LRGUK: variants seen among roughly 807,000 people sequenced by gnomAD.
LRGUK encodes the protein leucine-rich repeat and guanylate kinase domain-containing protein.
LRGUK carries 65 observed loss-of-function variants against 76.0 expected under a neutral mutation model. The ratio of observed to expected loss-of-function variants is 0.85; its 90% confidence interval spans 0.70 to 1.05. The LOEUF is 1.05. Among genes scored for constraint, LRGUK ranks in the 50% least tolerant of loss-of-function variants. The pLI is 0.00. For missense variants in LRGUK, 758 were observed against 732.8 expected (o/e 1.03, Z -0.40); for synonymous variants, 268 against 265.6 (o/e 1.01, Z -0.09).
At chr7:134,268,655 CA>C (rs1006011102), downstream of LRGUK, among the ~76,000 whole-genome samples, 8 of 140,370 alleles carry the variant, frequency 5.7e-5, no homozygotes, top group African/African-American at 1.8e-4. Context: ...ACCCTGATAT[CA>C]AAATCAGACA....
At chr7:134,239,800 A>T (rs1383185338) in intron 16 of LRGUK, among the ~76,000 whole-genome samples, 1 of 152,196 alleles carries the variant, frequency 6.6e-6, no homozygotes, top group Admixed American at 6.5e-5. Context: ...GGCACCTCCC[A>T]GTAGGGGCCA....
At chr7:134,176,544 T>C (rs1436115957) in intron 8 of LRGUK, among the ~76,000 whole-genome samples, 1 of 152,074 alleles carries the variant, frequency 6.6e-6, no homozygotes, top group African/African-American at 2.4e-5. Flanking sequence ...CATGCCTGGC[T>C]AATTTTTTTG....
chr7:134,208,542 C>T (rs531836802), intron 15 of LRGUK, among the ~76,000 whole-genome samples: 4 of 152,268 alleles, frequency 2.6e-5, no homozygotes, highest in Middle Eastern at 3.4e-3. Flanking sequence ...ATTATAGACA[C>T]TTAGTATCTC....
At chr7:134,141,282 C>A (rs1189206404) in intron 3 of LRGUK, among the ~76,000 whole-genome samples, 1 of 152,172 alleles carries the variant, frequency 6.6e-6, no homozygotes, top group Non-Finnish European at 1.5e-5. Context: ...ATCCGAATCA[C>A]CTGGAAGCCC....
Position 134,209,328 on chromosome 7 carries a change from A to C in LRGUK, c.2465A>C (p.His822Pro), listed in dbSNP as rs544656548. 5 of 399,214 alleles carry C rather than the reference A, an allele frequency of 1.3e-5. No homozygotes were observed. The East Asian group carries it at 1.8e-4, about 14-fold the overall frequency. 24.7% of individuals were successfully genotyped at this position (399,214 alleles called of 1,614,324 possible). A position where few individuals can be genotyped will look rare whatever the true frequency, so the allele number is the denominator to read the frequency against. ...AAACTTCCACCCAGCAGTTCCCACC[A>C]TGATCCTCCAAAAGATTCTTCCCAC... Residue 822 changes from histidine to proline, a missense_variant, in exon 16 of 16, where the codon CAT (histidine) becomes CCT (proline). Coordinates refer to ENST00000645682, the Ensembl canonical transcript of LRGUK.
At position 134,136,960 on chromosome 7, in the gene LRGUK, A is replaced by G. The variant is rs1797564872; in HGVS notation, c.298-63A>G. 6 of 1,314,826 alleles carry G rather than the reference A, an allele frequency of 4.6e-6. No homozygotes were observed. In the East Asian group the frequency reaches 1.2e-4, roughly 26 times the overall value. The allele number at this position is 1,314,826 out of a possible 1,614,324, so 81.4% of individuals were successfully genotyped here. On this transcript the variant is annotated intron_variant, in intron 1 of 15. Coordinates refer to ENST00000645682, the Ensembl canonical transcript of LRGUK. ...TACTAAATAAGTGCTGGATATGACA[A>G]GATAGATTGTTTCTTTTCTAATGAG...
At chr7:134,185,833 C>G (rs981036631) in intron 11 of LRGUK, among the ~76,000 whole-genome samples, 2 of 152,070 alleles carry the variant, frequency 1.3e-5, no homozygotes, top group Non-Finnish European at 2.9e-5. Flanking sequence ...AAATTACATC[C>G]TTTATTTGAA....
chr7:134,178,934 A>AAAAAAAAAAAAAAAAAACC (rs376955591), intron 10 of LRGUK, among the ~76,000 whole-genome samples: 986 of 78,148 alleles, frequency 0.013, 29 homozygotes, highest in African/African-American at 0.033. Context: ...CTCAAAAAAA[A>AAAAAAAAAAAAAAAAAACC]AAAAAAAAAA....
chr7:134,147,282 C>CAAA (rs1469853978), intron 4 of LRGUK, among the ~76,000 whole-genome samples: 2 of 151,654 alleles, frequency 1.3e-5, no homozygotes, highest in Admixed American at 6.6e-5. Flanking sequence ...ACAACAACAA[C>CAAA]AAAAAACCCG....
downstream of LRGUK, among the ~76,000 whole-genome samples, chr7:134,265,217 A>AC (rs1307196210): frequency 1.1e-4 from 16 of 152,364 alleles, no homozygotes; most frequent in Non-Finnish European, 1.5e-4. Flanking sequence ...CTTTAAAAAA[A>AC]ATTATGAAAT....
At chr7:134,207,936 C>T (rs1042752171) in intron 15 of LRGUK, among the ~76,000 whole-genome samples, 1 of 152,278 alleles carries the variant, frequency 6.6e-6, no homozygotes, top group African/African-American at 2.4e-5. Flanking sequence ...GAGACTGTCC[C>T]AGAGATCAGT....
chr7:134,197,317 G>T (rs185771545), intron 13 of LRGUK, among the ~76,000 whole-genome samples: 11 of 152,270 alleles, frequency 7.2e-5, no homozygotes, highest in Admixed American at 7.2e-4. Flanking sequence ...CACAAGATAA[G>T]ATATTCCGTT....
intron 12 of LRGUK, among the ~76,000 whole-genome samples, 168 bp from the exon 13 acceptor site, chr7:134,196,824 G>A (rs376293976): frequency 1.3e-5 from 2 of 151,780 alleles, no homozygotes; most frequent in South Asian, 4.2e-4. Context: ...AAATTTCTCT[G>A]TCACAGTTTG....
downstream of LRGUK, among the ~76,000 whole-genome samples, chr7:134,213,607 G>T (rs929443087): frequency 2.0e-5 from 3 of 152,126 alleles, no homozygotes; most frequent in South Asian, 6.2e-4. Flanking sequence ...GGCATTTGGG[G>T]TTGCATTTCC....
At chr7:134,145,683 C>G (rs915398326) in intron 4 of LRGUK, among the ~76,000 whole-genome samples, 1 of 152,138 alleles carries the variant, frequency 6.6e-6, no homozygotes, top group Non-Finnish European at 1.5e-5. Flanking sequence ...GGGATTGAAC[C>G]CACTGTCTGA....
chr7:134,172,473 C>T (rs543611253), intron 7 of LRGUK, among the ~76,000 whole-genome samples: 4 of 152,072 alleles, frequency 2.6e-5, no homozygotes, highest in African/African-American at 9.7e-5. Flanking sequence ...AAATTAGATA[C>T]AAGACGATCT....
chr7:134,204,475 A>T (rs551633948), intron 15 of LRGUK, among the ~76,000 whole-genome samples: 1 of 152,348 alleles, frequency 6.6e-6, no homozygotes, highest in African/African-American at 2.4e-5. Flanking sequence ...TAGAATTCCA[A>T]CTGTAAAAGG....
At chr7:134,209,546 A>C in exon 16 of LRGUK, 1 of 399,228 alleles carries the variant, frequency 2.5e-6, no homozygotes, top group Non-Finnish European at 4.4e-6. Flanking sequence ...GCTGGCTCCC[A>C]CTCGGCTGCC....
At chr7:134,267,582 C>T (rs1802878382), downstream of LRGUK, among the ~76,000 whole-genome samples, 1 of 152,174 alleles carries the variant, frequency 6.6e-6, no homozygotes, top group Non-Finnish European at 1.5e-5. Flanking sequence ...CTCACAAGAA[C>T]TGATGGTTTT....
Sources: allele counts gnomAD v4.1 joint callset (sites outside exome capture counted in the v4.1 genomes callset), GRCh38; gene constraint gnomAD v4.1.1; transcripts MANE v1.5; gene names NCBI Gene and HGNC (gene_info 2026-07-23, HGNC 2026-07-21).